Variants in AFDN observed in about 807,000 individuals in gnomAD.
The protein encoded by AFDN is afadin, adherens junction formation factor.
A neutral mutation model predicts 216.6 loss-of-function variants in AFDN; 68 were observed. The observed-to-expected ratio is 0.31, with a 90% CI of 0.26 to 0.38. The LOEUF is 0.38. Among genes scored for constraint, AFDN ranks in the 10% least tolerant of loss-of-function variants. The pLI is 1.00. For synonymous variants in AFDN, 868 were observed against 853.7 expected (o/e 1.02, Z -0.29); for missense variants, 2,136 against 2,342.0 (o/e 0.91, Z 1.82).
intron 1 of AFDN, among the ~76,000 whole-genome samples, chr6:167,833,913 TATC>T (rs1780105051): frequency 6.6e-6 from 1 of 152,204 alleles, no homozygotes; most frequent in Admixed American, 6.5e-5. Context: ...TTGTTATTAT[TATC>T]CAAATAAACT....
intron 15 of AFDN, among the ~76,000 whole-genome samples, chr6:167,913,198 C>T (rs2128463032): frequency 6.6e-6 from 1 of 152,288 alleles, no homozygotes; most frequent in East Asian, 1.9e-4. Context: ...GTGGTAAGAA[C>T]ATAAAACTAA....
At position 167,828,651 on chromosome 6, in the gene AFDN, T is replaced by C. The variant is rs560103524; in HGVS notation, c.105+1414T>C. Among the ~76,000 whole-genome samples the C allele has an allele frequency of 1.2e-3, 183 of 152,328 alleles. 2 individuals carry two copies. Among genetic ancestry groups the C allele is most frequent in the African/African-American group, 4.4e-3 (182 of 41,574 alleles). ...TATCTTTAGAAAGGTGACATGATAA[T>C]TTAGTTTCAGGATTATGTTTTCTTT... On this transcript the variant is annotated intron_variant, in intron 1 of 33. Transcript: ENST00000683244.
chr6:167,914,701 T>C lies in AFDN; in HGVS notation c.2262T>C (p.Asp754=). Residue 754 remains aspartate, a synonymous_variant, in exon 18 of 34, where the codon GAT becomes GAC. Coordinates refer to ENST00000683244, the MANE Select transcript of AFDN (RefSeq NM_001386888.1). ...ATAATTACATGCCAGCCTTTCTAGA[T>C]GACCCTGAAGAGAACAGTCTGCAAC... ...ELNNYMPAFL[D]DPEENSLQRP... is the part of the protein sequence containing the mutation. 6.2e-7 allele frequency: 1 copy of C among 1,613,752 alleles called. No homozygotes were observed. The highest frequency in any genetic ancestry group is 1.1e-5 in the South Asian group (1 of 91,084).
intron 1 of AFDN, among the ~76,000 whole-genome samples, chr6:167,854,856 C>T (rs1010590754): frequency 2.0e-5 from 3 of 151,036 alleles, no homozygotes; most frequent in Admixed American, 6.6e-5. Flanking sequence ...TTATTTTCCT[C>T]ATAGGAAATA....
chr6:167,946,868 A>G lies in AFDN; in HGVS notation c.3520A>G (p.Arg1174Gly). 6.2e-7 allele frequency: 1 copy of G among 1,612,876 alleles called. No individual in the cohort carries two copies. Reference protein sequence around the residue: ...LPGDDRLMKNRADHRSSPNVA... With the variant: ...LPGDDRLMKNGADHRSSPNVA... Reference sequence around the variant, plus strand: ...TGGTGATGACAGACTGATGAAAAATAGAGCTGATCACCGTTCCAGCCCCAA... The same window carrying G: ...TGGTGATGACAGACTGATGAAAAATGGAGCTGATCACCGTTCCAGCCCCAA... The change falls in exon 27 of 34, where the codon AGA (arginine) becomes GGA (glycine). Residue 1174 changes from arginine to glycine, a missense_variant. Arg to Gly is a moderately radical substitution (Grantham distance 125). This residue lies in a region of AFDN where 981 missense variants were observed against 966.0 expected (regional missense o/e 1.02). Coordinates refer to ENST00000683244, the MANE Select transcript of AFDN (RefSeq NM_001386888.1).
In AFDN at chr6:167,951,481, C is replaced by T. The variant is rs372255391; in HGVS notation, c.4127C>T (p.Pro1376Leu). The part of the protein sequence containing the change: ...PIRTDLPPPP[P>L]PPPVHYAGDF... ...CGAACAGACCTGCCTCCGCCACCCC[C>T]GCCACCTCCAGTCCACTATGCCGGT... Residue 1376 changes from proline (P) to leucine (L), a missense_variant, in exon 30 of 34, where the codon CCG becomes CTG. Physicochemically the swap from Pro to Leu is moderately conservative, Grantham distance 98. Transcript: ENST00000683244. The surrounding 1 kb of genome is among the most constrained non-coding windows in gnomAD (Gnocchi z 7.1). 48 of 1,613,984 alleles carry T rather than the reference C, an allele frequency of 3.0e-5. No homozygotes were observed. The highest frequency in any genetic ancestry group is 3.8e-5 in the Non-Finnish European group (45 of 1,180,038).
chr6:167,891,404 G>GAGGTGTGT (rs1554293335), intron 8 of AFDN, among the ~76,000 whole-genome samples: 2 of 138,072 alleles, frequency 1.4e-5, no homozygotes, highest in African/African-American at 2.9e-5. Flanking sequence ...TTCATAAAGG[G>GAGGTGTGT]GTGGGTGTGT....
At chr6:167,859,436 C>G (rs182908322) in intron 1 of AFDN, among the ~76,000 whole-genome samples, 2 of 152,212 alleles carry the variant, frequency 1.3e-5, no homozygotes, top group East Asian at 1.9e-4. Flanking sequence ...GTGGACAGTC[C>G]GTCAGTTTCC....
At chr6:167,832,361 T>C (rs1779925942) in intron 1 of AFDN, among the ~76,000 whole-genome samples, 1 of 152,220 alleles carries the variant, frequency 6.6e-6, no homozygotes, top group Non-Finnish European at 1.5e-5. Context: ...CCGTCTTTGT[T>C]AATGAGTAGA....
intron 23 of AFDN, among the ~76,000 whole-genome samples, chr6:167,933,684 T>C (rs1793615765): frequency 6.6e-6 from 1 of 152,220 alleles, no homozygotes; most frequent in African/African-American, 2.4e-5. Context: ...AAAAGCAAAA[T>C]AGTAAATTAT....
chr6:167,966,354 A>G (rs1797563608), intron 32 of AFDN: 15 of 1,220,602 alleles, frequency 1.2e-5, no homozygotes, highest in Non-Finnish European at 1.4e-5. Context: ...GCCCTGTAGT[A>G]TGGTCCATGG....
chr6:167,927,623 G>C (rs1029396804), intron 23 of AFDN, among the ~76,000 whole-genome samples: 5 of 152,138 alleles, frequency 3.3e-5, no homozygotes, highest in South Asian at 4.1e-4. Flanking sequence ...CCCTTTTAGC[G>C]TATGGGTTGA....
intron 4 of AFDN, 25 bp from the exon 5 acceptor site, chr6:167,875,310 T>G (rs752800400): frequency 2.0e-5 from 32 of 1,592,526 alleles, no homozygotes; most frequent in Non-Finnish European, 2.6e-5. Flanking sequence ...GTTTAAAATA[T>G]TTTTGGTATT....
intron 5 of AFDN, among the ~76,000 whole-genome samples, chr6:167,876,275 T>A (rs1223351901): frequency 6.6e-6 from 1 of 152,188 alleles, no homozygotes; most frequent in Non-Finnish European, 1.5e-5. Flanking sequence ...TCACAGGACT[T>A]GTAGTGCCAG....
In AFDN at chr6:167,896,342, A is replaced by G. The variant is rs1583316468; in HGVS notation, c.1223-536A>G. ...ATGGACAGCAGAATTACTTGGGGTG[A>G]TTTTTCAGAGGACACATGCTTAGGC... is the stretch of plus-strand genomic sequence containing the variant. On this transcript the variant is annotated intron_variant, in intron 9 of 33. Transcript: ENST00000683244. Among the ~76,000 whole-genome samples, 4 of 152,178 alleles carry G rather than the reference A, an allele frequency of 2.6e-5. 1 individual carries two copies. The South Asian group carries it at 8.3e-4, about 32-fold the overall frequency.
At chr6:167,921,918 T>G (rs1052584901) in intron 21 of AFDN, among the ~76,000 whole-genome samples, 3 of 152,160 alleles carry the variant, frequency 2.0e-5, no homozygotes, top group Non-Finnish European at 2.9e-5. Context: ...CAAATAACGG[T>G]CAGAATTTTC....
intron 1 of AFDN, among the ~76,000 whole-genome samples, chr6:167,836,609 G>A (rs1780467922): frequency 6.6e-6 from 1 of 152,170 alleles, no homozygotes; most frequent in Admixed American, 6.5e-5. Context: ...CTTAAGATTA[G>A]TTTTATTTCT....
At chr6:167,928,647 T>C (rs1792876503) in intron 23 of AFDN, among the ~76,000 whole-genome samples, 2 of 152,216 alleles carry the variant, frequency 1.3e-5, no homozygotes, top group East Asian at 3.9e-4. Context: ...CGACTGTGCC[T>C]GAGTCCAGGG....
At chr6:167,834,080 G>C (rs918736445) in intron 1 of AFDN, among the ~76,000 whole-genome samples, 11 of 151,976 alleles carry the variant, frequency 7.2e-5, no homozygotes, top group Non-Finnish European at 1.0e-4. Context: ...TAATTTCATT[G>C]GGAAAAACTT....
Sources: allele counts gnomAD v4.1 joint callset (sites outside exome capture counted in the v4.1 genomes callset), GRCh38; gene constraint gnomAD v4.1.1; regional missense constraint gnomAD v4.1.1; non-coding constraint Gnocchi (gnomAD v3.1); transcripts MANE v1.5; gene names NCBI Gene and HGNC (gene_info 2026-07-23, HGNC 2026-07-21).